The following CAMLG variants were observed in gnomAD, a reference collection of about 807,000 sequenced individuals.
CAMLG encodes the protein calcium modulating ligand, also known as guided entry of tail-anchored proteins factor CAMLG.
CAMLG carries 23 observed loss-of-function variants against 28.9 expected under a neutral mutation model. That is an observed-to-expected ratio of 0.80 (90% CI 0.57 to 1.13). The LOEUF is 1.13. Ranked by LOEUF, CAMLG falls within the 50% of genes most tolerant of loss-of-function variation. The probability of loss-of-function intolerance (pLI) is 0.00; values close to 1 mark genes in which losing one functional copy is unlikely to be tolerated. For synonymous variants in CAMLG, 141 were observed against 146.5 expected (o/e 0.96, Z 0.27); for missense variants, 367 against 371.9 (o/e 0.99, Z 0.11).
intron 2 of CAMLG, among the ~76,000 whole-genome samples, chr5:134,743,530 A>T (rs1233956141): frequency 1.3e-5 from 2 of 151,944 alleles, no homozygotes; most frequent in Admixed American, 6.6e-5. Context: ...AGATTGAGCC[A>T]CTGCACTCCA....
rs762873568 is a variant in CAMLG, at chr5:134,738,662, G to T, written c.42G>T (p.Pro14=). The change falls in exon 1 of 4, where the codon CCG becomes CCT. Residue 14 remains proline (P), a synonymous_variant. Transcript: ENST00000297156. Reference sequence around the variant, plus strand: ...TCGCTACCGACGGCGGGGAGAGGCCGGGGGTCCCAGCGGGCTCAGGTCTGT... The same window carrying T: ...TCGCTACCGACGGCGGGGAGAGGCCTGGGGTCCCAGCGGGCTCAGGTCTGT... ...MAVATDGGER[P]GVPAGSGLSA... 5.6e-6 allele frequency: 9 copies of T among 1,613,078 alleles called. No individual in the cohort carries two copies. Among genetic ancestry groups the T allele is most frequent in the Non-Finnish European group, 7.6e-6 (9 of 1,179,578 alleles).
At position 134,750,787 on chromosome 5, in the gene CAMLG, T is replaced by C. The variant is rs1463943504; in HGVS notation, c.728T>C (p.Leu243Pro). Residue 243 changes from leucine (L) to proline (P), a missense_variant, in exon 4 of 4, where the codon CTA (leucine) becomes CCA (proline). Coordinates refer to ENST00000297156, the MANE Select transcript of CAMLG (RefSeq NM_001745.4). Reference protein sequence around the residue: ...KSEKKIKTTVLTAALLLSGIP... With the variant: ...KSEKKIKTTVPTAALLLSGIP... Reference sequence around the variant, plus strand: ...GAAAAGAAGATAAAGACAACAGTACTAACAGCTGCACTTCTATTGTCGGGA... The same window carrying C: ...GAAAAGAAGATAAAGACAACAGTACCAACAGCTGCACTTCTATTGTCGGGA... 3 of 1,613,654 alleles carry C rather than the reference T, an allele frequency of 1.9e-6. No individual in the cohort carries two copies. Among genetic ancestry groups the C allele is most frequent in the African/African-American group, 2.7e-5 (2 of 74,942 alleles).
intron 3 of CAMLG, among the ~76,000 whole-genome samples, chr5:134,746,882 G>A (rs1270473717): frequency 6.6e-6 from 1 of 152,138 alleles, no homozygotes; most frequent in East Asian, 1.9e-4. Context: ...GAGGCTGGGA[G>A]TTCTTGACCA....
At chr5:134,742,042 A>G (rs1752992407) in intron 2 of CAMLG, among the ~76,000 whole-genome samples, 1 of 152,236 alleles carries the variant, frequency 6.6e-6, no homozygotes, top group Non-Finnish European at 1.5e-5. Flanking sequence ...ACAACTATTT[A>G]CATTGCATTA....
At chr5:134,740,795 A>G (rs1752972818) in intron 1 of CAMLG, among the ~76,000 whole-genome samples, 1 of 152,106 alleles carries the variant, frequency 6.6e-6, no homozygotes, top group Admixed American at 6.6e-5. Flanking sequence ...TTTTTAGTAG[A>G]GACGGGGTTT....
rs781071324 is a variant in CAMLG at position 134,738,676 on chromosome 5, G to T, written c.56G>T (p.Gly19Val). ...DGGERPGVPAGSGLSASQRRA... is the reference protein window; with the variant it reads ...DGGERPGVPAVSGLSASQRRA... Reference sequence around the variant, plus strand: ...GGGGAGAGGCCGGGGGTCCCAGCGGGCTCAGGTCTGTCGGCTTCCCAGCGT... The same window carrying T: ...GGGGAGAGGCCGGGGGTCCCAGCGGTCTCAGGTCTGTCGGCTTCCCAGCGT... The change falls in exon 1 of 4, where the codon GGC becomes GTC. Residue 19 changes from glycine (G) to valine (V), a missense_variant. Coordinates refer to ENST00000297156, the MANE Select transcript of CAMLG (RefSeq NM_001745.4). 1 of 1,613,840 alleles carries T rather than the reference G, an allele frequency of 6.2e-7. No individual in the cohort carries two copies. The highest frequency in any genetic ancestry group is 8.5e-7 in the Non-Finnish European group (1 of 1,179,916).
At position 134,750,866 on chromosome 5, in the gene CAMLG, A is replaced by T; in HGVS notation, c.807A>T (p.Glu269Asp). Residue 269 changes from glutamate to aspartate, a missense_variant, in exon 4 of 4, where the codon GAA becomes GAT. By Grantham distance (45) the Glu-to-Asp change is conservative. Coordinates refer to ENST00000297156, the MANE Select transcript of CAMLG (RefSeq NM_001745.4). The part of the protein sequence containing the change: ...RSMDTYSKMG[E>D]VFTDLCVYFF... Reference sequence around the variant, plus strand: ...TGGATACCTATAGCAAAATGGGCGAAGTCTTCACAGATCTCTGTGTCTACT... The same window carrying T: ...TGGATACCTATAGCAAAATGGGCGATGTCTTCACAGATCTCTGTGTCTACT... 1 of 1,614,066 alleles carries T rather than the reference A, an allele frequency of 6.2e-7. No individual in the cohort carries two copies. Among genetic ancestry groups the T allele is most frequent in the Non-Finnish European group, 8.5e-7 (1 of 1,179,958 alleles).
At chr5:134,745,928 C>T (rs1194248090) in intron 3 of CAMLG, among the ~76,000 whole-genome samples, 4 of 151,440 alleles carry the variant, frequency 2.6e-5, no homozygotes, top group Non-Finnish European at 5.9e-5. Context: ...CAGCTGAGGT[C>T]GGGATTTCGA....
chr5:134,752,146 CT>C lies in CAMLG; in HGVS notation c.*1201del. On this transcript the variant is annotated 3_prime_UTR_variant, in exon 4 of 4. Coordinates refer to ENST00000297156, the MANE Select transcript of CAMLG (RefSeq NM_001745.4). ...CCTTGTGACATTAAAAACACATACA[CT>C]TTTTAAAAAATTACTCTTTAAGTCT... 6.6e-6 allele frequency: 1 copy of C among 152,282 alleles called. No individual in the cohort carries two copies. Among genetic ancestry groups the C allele is most frequent in the East Asian group, 1.9e-4 (1 of 5,190 alleles). The allele number at this position is 152,282 out of a possible 1,614,324, so 9.4% of individuals were successfully genotyped here.
intron 3 of CAMLG, among the ~76,000 whole-genome samples, chr5:134,748,395 G>A (rs1043535852): frequency 3.9e-5 from 6 of 152,154 alleles, no homozygotes; most frequent in African/African-American, 1.4e-4. Flanking sequence ...AAAATTTGCC[G>A]GGCATGATGG....
chr5:134,746,255 T>C (rs1276666642), intron 3 of CAMLG, among the ~76,000 whole-genome samples: 1 of 151,360 alleles, frequency 6.6e-6, no homozygotes, highest in Non-Finnish European at 1.5e-5. Flanking sequence ...AAATTCAGAA[T>C]AGAATCTATA....
intron 3 of CAMLG, among the ~76,000 whole-genome samples, chr5:134,745,888 C>T (rs1413554616): frequency 6.6e-6 from 1 of 151,762 alleles, no homozygotes; most frequent in African/African-American, 2.4e-5. Flanking sequence ...CCTGTAATCC[C>T]AGCACTTTGG....
chr5:134,745,160 G>C (rs1016454124), intron 3 of CAMLG, among the ~76,000 whole-genome samples: 2 of 152,178 alleles, frequency 1.3e-5, no homozygotes, highest in Non-Finnish European at 2.9e-5. Flanking sequence ...CTTTGAGGCG[G>C]GGCGCGGTGG....
chr5:134,748,814 T>C (rs1943628667), intron 3 of CAMLG, among the ~76,000 whole-genome samples: 1 of 152,178 alleles, frequency 6.6e-6, no homozygotes, highest in Non-Finnish European at 1.5e-5. Flanking sequence ...TTGATTTTAC[T>C]TTTTTGTGCA....
intron 3 of CAMLG, 44 bp from the exon 4 acceptor site, chr5:134,750,715 C>A: frequency 7.2e-7 from 1 of 1,388,446 alleles, no homozygotes; most frequent in Non-Finnish European, 1.0e-6. Context: ...CTTAATGTAG[C>A]CTGCTGAAAC....
At chr5:134,745,233 C>G (rs867297962) in intron 3 of CAMLG, among the ~76,000 whole-genome samples, 4 of 150,398 alleles carry the variant, frequency 2.7e-5, no homozygotes, top group Admixed American at 1.3e-4. Context: ...GTCAAGAGAT[C>G]GAGAGCATCC....
At position 134,738,687 on chromosome 5, in the gene CAMLG, TCGGCTTCCCAGCGTCGGG is replaced by T. The variant is rs1561841081; in HGVS notation, c.71_88del (p.Ala24_Ala29del). The T allele has an allele frequency of 6.2e-7, 1 of 1,613,952 alleles. No individual in the cohort carries two copies. The highest frequency in any genetic ancestry group is 8.5e-7 in the Non-Finnish European group (1 of 1,179,952). On this transcript the variant is annotated inframe_deletion, in exon 1 of 4. Transcript: ENST00000297156. The stretch of plus-strand genomic sequence containing the variant: ...GGGGGTCCCAGCGGGCTCAGGTCTG[TCGGCTTCCCAGCGTCGGG>T]CGGAGCTGCGTCGGAGAAAGCTGCT...
intron 1 of CAMLG, among the ~76,000 whole-genome samples, chr5:134,740,718 A>G (rs1223615236): frequency 1.3e-5 from 2 of 152,138 alleles, no homozygotes; most frequent in Non-Finnish European, 2.9e-5. Context: ...TGCCTCAGCC[A>G]GAGTAGCTGG....
intron 3 of CAMLG, among the ~76,000 whole-genome samples, chr5:134,744,615 T>C (rs1580756137): frequency 6.6e-6 from 1 of 152,146 alleles, no homozygotes; most frequent in Non-Finnish European, 1.5e-5. Flanking sequence ...ACAAAAATAC[T>C]GTGGATTGAG....
Sources: allele counts gnomAD v4.1 joint callset (sites outside exome capture counted in the v4.1 genomes callset), GRCh38; gene constraint gnomAD v4.1.1; transcripts MANE v1.5; gene names NCBI Gene and HGNC (gene_info 2026-07-23, HGNC 2026-07-21).